Variants in EML6 observed in about 807,000 individuals in gnomAD.
The protein encoded by EML6 is echinoderm microtubule-associated protein-like 6.
EML6 carries 154 observed loss-of-function variants against 240.1 expected under a neutral mutation model. The ratio of observed to expected loss-of-function variants is 0.64; its 90% confidence interval spans 0.56 to 0.73. The LOEUF (loss-of-function observed/expected upper bound fraction) is 0.73, where lower values mean the gene tolerates loss of function less well. Ranked by LOEUF, EML6 falls within the 30% of genes least tolerant of loss-of-function variation. EML6 has a pLI of 0.00. For missense variants in EML6, 2,964 were observed against 2,474.6 expected (o/e 1.20, Z -4.20); for synonymous variants, 1,148 against 899.0 (o/e 1.28, Z -4.95).
In EML6 at chr2:54,869,365, C is replaced by A. The variant is rs1359004055; in HGVS notation, c.2236C>A (p.Gln746Lys). ...AGTGAAGGACTATGTGGCTACTGGGCAGGTATCTATCTCCTGTAAACTAGG... is the reference window on the plus strand; with the variant it reads ...AGTGAAGGACTATGTGGCTACTGGGAAGGTATCTATCTCCTGTAAACTAGG... ...HPVKDYVATG[Q>K]VGRDAAIHVW... is the part of the protein sequence containing the mutation. The change falls in exon 15 of 42, where the codon CAG (glutamine) becomes AAG (lysine). Residue 746 changes from glutamine (Q) to lysine (K), a missense_variant and splice_region_variant. Physicochemically the swap from Gln to Lys is moderately conservative, Grantham distance 53 (BLOSUM62 1). Coordinates refer to ENST00000356458, the MANE Select transcript of EML6 (RefSeq NM_001039753.4). The A allele has an allele frequency of 1.9e-6, 3 of 1,546,228 alleles. No individual in the cohort carries two copies. The highest frequency in any genetic ancestry group is 8.7e-7 in the Non-Finnish European group (1 of 1,143,012).
At chr2:54,823,568 C>T (rs1668429669) in intron 5 of EML6, among the ~76,000 whole-genome samples, 2 of 152,032 alleles carry the variant, frequency 1.3e-5, no homozygotes, top group Non-Finnish European at 2.9e-5. Flanking sequence ...TATCTGCCAA[C>T]GTGAGTTTCT....
intron 25 of EML6, among the ~76,000 whole-genome samples, chr2:54,913,076 T>TG (rs1173032785): frequency 6.6e-6 from 1 of 151,304 alleles, no homozygotes; most frequent in Non-Finnish European, 1.5e-5. Flanking sequence ...ATTCTGTTTT[T>TG]TTTTTTTTTT....
intron 2 of EML6, among the ~76,000 whole-genome samples, chr2:54,796,628 A>G (rs1000557734): frequency 2.6e-5 from 4 of 152,110 alleles, no homozygotes; most frequent in African/African-American, 9.7e-5. Flanking sequence ...ACGAGCGCAC[A>G]CACACACTTA....
rs1676921081 is a variant in EML6, at chr2:54,970,032, T to G, written c.5853-39T>G. 2 of 1,550,960 alleles carry G rather than the reference T, an allele frequency of 1.3e-6. 1 individual carries two copies. The highest frequency in any genetic ancestry group is 2.4e-5 in the South Asian group (2 of 84,058). Reference sequence around the variant, plus strand: ...TTTGCCACTTGACACAAGTATGATGTCCAGCTATGCAAAATGACTGTTTGA... The same window carrying G: ...TTTGCCACTTGACACAAGTATGATGGCCAGCTATGCAAAATGACTGTTTGA... On this transcript the variant is annotated intron_variant, in intron 41 of 41. Coordinates refer to ENST00000356458, the MANE Select transcript of EML6 (RefSeq NM_001039753.4).
At position 54,957,585 on chromosome 2, in the gene EML6, T is replaced by C. The variant is rs72910839; in HGVS notation, c.4487-205T>C. Among the ~76,000 whole-genome samples the C allele has an allele frequency of 3.7e-3, 559 of 152,314 alleles. 3 individuals carry two copies. Among genetic ancestry groups the C allele is most frequent in the African/African-American group, 0.013 (539 of 41,584 alleles). On this transcript the variant is annotated intron_variant, in intron 32 of 41. Coordinates refer to ENST00000356458, the MANE Select transcript of EML6 (RefSeq NM_001039753.4). ...TGAATGCCTGGGTTGGGGGATCTGT[T>C]ACCAGCACCTGCTGCTCTGGAAACT... is the stretch of plus-strand genomic sequence containing the variant.
chr2:54,797,396 A>G (rs1219353948), intron 2 of EML6, among the ~76,000 whole-genome samples: 1 of 152,132 alleles, frequency 6.6e-6, no homozygotes, highest in Non-Finnish European at 1.5e-5. Context: ...CATGTCTTCT[A>G]GTAATACGAA....
chr2:54,819,365 G>A (rs546159738), intron 4 of EML6, among the ~76,000 whole-genome samples: 8 of 152,254 alleles, frequency 5.3e-5, no homozygotes, highest in African/African-American at 1.9e-4. Context: ...GATGGGCCCT[G>A]GAAATACCTG....
Position 54,829,338 on chromosome 2 carries a change from A to G in EML6, c.712-4A>G. 6.4e-7 allele frequency: 1 copy of G among 1,551,390 alleles called. No homozygotes were observed. The highest frequency in any genetic ancestry group is 8.7e-7 in the Non-Finnish European group (1 of 1,146,778). On this transcript the variant is annotated splice_polypyrimidine_tract_variant and splice_region_variant and intron_variant, in intron 6 of 41. Coordinates refer to ENST00000356458, the MANE Select transcript of EML6 (RefSeq NM_001039753.4). The stretch of plus-strand genomic sequence containing the variant: ...CATTGAGTATTACCTGTTTTAATCA[A>G]CAGGCTGGAATCTTTAGCATGTATG...
chr2:54,870,409 G>C (rs1332109708), intron 15 of EML6, among the ~76,000 whole-genome samples: 1 of 149,268 alleles, frequency 6.7e-6, no homozygotes, highest in Non-Finnish European at 1.5e-5. Context: ...CAACTGAAAA[G>C]GTATATTTGG....
chr2:54,819,530 C>A (rs1324375366), intron 4 of EML6, among the ~76,000 whole-genome samples: 1 of 152,126 alleles, frequency 6.6e-6, no homozygotes, highest in Admixed American at 6.6e-5. Flanking sequence ...GTAATCCCAG[C>A]ACTTTGAGAG....
chr2:54,827,131 C>T (rs930956060), intron 5 of EML6, among the ~76,000 whole-genome samples: 15 of 152,188 alleles, frequency 9.9e-5, no homozygotes, highest in African/African-American at 3.6e-4. Context: ...TGAGATGGCG[C>T]CATTGCATTC....
chr2:54,730,974 A>G (rs1176775164), intron 2 of EML6, among the ~76,000 whole-genome samples: 1 of 152,202 alleles, frequency 6.6e-6, no homozygotes. Flanking sequence ...GATAAGTGCT[A>G]AGAAGAAAAA....
intron 4 of EML6, among the ~76,000 whole-genome samples, chr2:54,818,926 C>T (rs1668200452): frequency 6.6e-6 from 1 of 152,158 alleles, no homozygotes; most frequent in South Asian, 2.1e-4. Context: ...TTTAGTGGCA[C>T]TAAAATACTT....
chr2:54,839,280 G>T (rs1217548825), intron 7 of EML6, among the ~76,000 whole-genome samples: 1 of 152,220 alleles, frequency 6.6e-6, no homozygotes, highest in Non-Finnish European at 1.5e-5. Context: ...GTTAAAAAAG[G>T]ATGGCAATGG....
chr2:54,910,130 G>T (rs1047794801), intron 24 of EML6, among the ~76,000 whole-genome samples: 1 of 152,104 alleles, frequency 6.6e-6, no homozygotes, highest in Non-Finnish European at 1.5e-5. Flanking sequence ...AACAGGGTTG[G>T]CCATGTGTTA....
chr2:54,852,367 C>T (rs1263881633), intron 10 of EML6, among the ~76,000 whole-genome samples: 1 of 152,136 alleles, frequency 6.6e-6, no homozygotes, highest in Non-Finnish European at 1.5e-5. Flanking sequence ...GTTTTCTTTG[C>T]TTGACGTTAC....
chr2:54,847,424 G>C, intron 8 of EML6, 62 bp from the exon 9 acceptor site: 2 of 1,525,682 alleles, frequency 1.3e-6, no homozygotes, highest in East Asian at 4.9e-5. Flanking sequence ...TTCTTGCCTT[G>C]GGCTGGCCGA....
chr2:54,957,252 GT>G (rs1453217319), intron 32 of EML6, among the ~76,000 whole-genome samples: 1 of 149,988 alleles, frequency 6.7e-6, no homozygotes, highest in Non-Finnish European at 1.5e-5. Flanking sequence ...AATAAATGGG[GT>G]TAAGGAAAAA....
intron 2 of EML6, among the ~76,000 whole-genome samples, chr2:54,748,745 T>C (rs1476270677): frequency 2.0e-5 from 3 of 152,150 alleles, no homozygotes. Flanking sequence ...TTTATTTTTG[T>C]AGAGACAGGG....
Sources: gnomAD v4.1 joint callset for allele counts (sites outside exome capture counted in the v4.1 genomes callset) on GRCh38, gnomAD v4.1.1 for gene constraint, MANE v1.5 for transcripts, NCBI Gene and HGNC (gene_info 2026-07-23, HGNC 2026-07-21) for gene names.